The following AP3M2 variants were observed in gnomAD, a reference collection of about 807,000 sequenced individuals.
AP3M2 encodes the protein AP-3 complex subunit mu-2.
AP3M2 carries 28 observed loss-of-function variants against 41.6 expected under a neutral mutation model. The ratio of observed to expected loss-of-function variants is 0.67; its 90% CI spans 0.50 to 0.92. The LOEUF is 0.92. Ranked by LOEUF, AP3M2 falls within the 40% of genes least tolerant of loss-of-function variation. The probability of loss-of-function intolerance (pLI) is 0.00; values close to 1 mark genes in which losing one functional copy is unlikely to be tolerated. For synonymous variants in AP3M2, 193 were observed against 186.4 expected (o/e 1.04, Z -0.29); for missense variants, 427 against 521.4 (o/e 0.82, Z 1.76).
intron 4 of AP3M2, 128 bp downstream of exon 4, chr8:42,162,546 A>C: frequency 2.7e-6 from 3 of 1,106,992 alleles, no homozygotes; most frequent in Non-Finnish European, 2.6e-6. Flanking sequence ...ACTTTGTGCC[A>C]GGCACTGTGC....
At chr8:42,162,186 G>A (rs1336880105) in intron 3 of AP3M2, 95 bp from the exon 4 acceptor site, 1 of 1,234,160 alleles carries the variant, frequency 8.1e-7, no homozygotes. Flanking sequence ...TCAATTGAGT[G>A]CATGAATAGT....
intron 4 of AP3M2, among the ~76,000 whole-genome samples, chr8:42,164,392 G>T (rs1804584806): frequency 6.6e-6 from 1 of 152,158 alleles, no homozygotes; most frequent in Non-Finnish European, 1.5e-5. Context: ...AAAAGAATAG[G>T]TAATAATGGG....
intron 2 of AP3M2, among the ~76,000 whole-genome samples, chr8:42,157,113 C>T (rs974256811): frequency 2.6e-5 from 4 of 152,166 alleles, no homozygotes; most frequent in Admixed American, 6.5e-5. Flanking sequence ...TGGAAGGGAA[C>T]ATTGAATAGC....
At chr8:42,153,822 C>T (rs1587910520) in intron 1 of AP3M2, 1 of 152,064 alleles carries the variant, frequency 6.6e-6, no homozygotes, top group Non-Finnish European at 1.5e-5. Context: ...ACTGCATTAA[C>T]AAGTGCCTAA....
chr8:42,171,112 G>T lies in AP3M2; in HGVS notation c.*2051G>T, dbSNP rs965978462. 2.0e-5 allele frequency: 3 copies of T among 152,248 alleles called. No homozygotes were observed. Among genetic ancestry groups the T allele is most frequent in the Non-Finnish European group, 4.4e-5 (3 of 68,064 alleles). The allele number at this position is 152,248 out of a possible 1,614,324, so 9.4% of individuals were successfully genotyped here. Reference sequence around the variant, plus strand: ...CAGGGTGTCTCCATCGAGCTGTTTGGTTCCATGTGTGTTTAACATGTGCAG... The same window carrying T: ...CAGGGTGTCTCCATCGAGCTGTTTGTTTCCATGTGTGTTTAACATGTGCAG... On this transcript the variant is annotated 3_prime_UTR_variant, in exon 9 of 9. Transcript: ENST00000396926.
chr8:42,167,052 C>A, intron 6 of AP3M2, 112 bp from the exon 7 acceptor site: 1 of 844,734 alleles, frequency 1.2e-6, no homozygotes, highest in Non-Finnish European at 1.9e-6. Flanking sequence ...AAAGTAAGGA[C>A]ATAGTTAAGG....
intron 2 of AP3M2, among the ~76,000 whole-genome samples, chr8:42,156,235 G>C (rs1018951170): frequency 6.6e-6 from 1 of 152,192 alleles, no homozygotes; most frequent in African/African-American, 2.4e-5. Context: ...GAAGTGAGAA[G>C]AGTTGTTTGA....
intron 7 of AP3M2, 125 bp downstream of exon 7, chr8:42,167,496 C>A: frequency 2.2e-6 from 3 of 1,372,798 alleles, no homozygotes; most frequent in Non-Finnish European, 3.0e-6. Context: ...TTTTCTCCTG[C>A]CAGGTAACTT....
Position 42,162,278 on chromosome 8 carries a change from C to T in AP3M2, c.446-3C>T, listed in dbSNP as rs1186774399. ...TAAAATACAGTAATATTAATTGCCT[C>T]AGGAAGCACGAATGTGGGTGACCAG... On this transcript the variant is annotated splice_polypyrimidine_tract_variant and splice_region_variant and intron_variant, in intron 3 of 8. Transcript: ENST00000396926. 4 of 1,608,932 alleles carry T rather than the reference C, an allele frequency of 2.5e-6. No homozygotes were observed. Among genetic ancestry groups the T allele is most frequent in the Non-Finnish European group, 3.4e-6 (4 of 1,178,032 alleles).
intron 1 of AP3M2, 136 bp from the exon 2 acceptor site, chr8:42,154,480 A>C: frequency 1.7e-6 from 1 of 601,620 alleles, no homozygotes; most frequent in Non-Finnish European, 2.8e-6. Context: ...AATTCAAGGG[A>C]GGGCTATCTT....
chr8:42,161,754 A>G (rs998420861), intron 3 of AP3M2, among the ~76,000 whole-genome samples: 2 of 152,244 alleles, frequency 1.3e-5, no homozygotes, highest in Admixed American at 6.5e-5. Flanking sequence ...AAACAAGTGA[A>G]GGAATTGATC....
chr8:42,165,396 C>T (rs748194852), intron 5 of AP3M2, 31 bp from the exon 6 acceptor site: 2 of 1,609,896 alleles, frequency 1.2e-6, no homozygotes, highest in Non-Finnish European at 1.7e-6. Context: ...TTAATGCCCA[C>T]TTCTTGCTTC....
chr8:42,158,702 G>T (rs1013995344), intron 3 of AP3M2, among the ~76,000 whole-genome samples: 1 of 151,974 alleles, frequency 6.6e-6, no homozygotes, highest in Non-Finnish European at 1.5e-5. Flanking sequence ...ATACAGAAAA[G>T]CACAAAGAAT....
In AP3M2 at chr8:42,154,608, G is replaced by C; in HGVS notation, c.-72-8G>C. ...AATGGAACTGAATATCGCTGCTTTT[G>C]TTTTTAGAGTTGAAAACTTACAGAG... On this transcript the variant is annotated splice_region_variant and splice_polypyrimidine_tract_variant and intron_variant, in intron 1 of 8. Coordinates refer to ENST00000396926, the MANE Select transcript of AP3M2 (RefSeq NM_006803.4). The C allele has an allele frequency of 6.5e-7, 1 of 1,546,164 alleles. No homozygotes were observed. The highest frequency in any genetic ancestry group is 8.7e-7 in the Non-Finnish European group (1 of 1,155,024).
chr8:42,165,165 C>T lies in AP3M2; in HGVS notation c.669+9C>T. On this transcript the variant is annotated intron_variant, in intron 5 of 8. Transcript: ENST00000396926. ...TTACACTTTCCTTCATGGTAAAATCCTGGGCCAGAGATTAAGTTCTTGGGA... is the reference window on the plus strand; with the variant it reads ...TTACACTTTCCTTCATGGTAAAATCTTGGGCCAGAGATTAAGTTCTTGGGA... 6.2e-7 allele frequency: 1 copy of T among 1,612,228 alleles called. No homozygotes were observed. Among genetic ancestry groups the T allele is most frequent in the Non-Finnish European group, 8.5e-7 (1 of 1,178,810 alleles).
At chr8:42,168,728 G>A (rs1804706281) in intron 8 of AP3M2, among the ~76,000 whole-genome samples, 1 of 151,900 alleles carries the variant, frequency 6.6e-6, no homozygotes, top group African/African-American at 2.4e-5. Context: ...ACATTACTTT[G>A]TACCCTTTCC....
rs1804740815 is a variant in AP3M2, at chr8:42,169,639, CCTCTA to C, written c.*582_*586del. 1.3e-5 allele frequency: 2 copies of C among 152,204 alleles called. No individual in the cohort carries two copies. The allele number at this position is 152,204 out of a possible 1,614,324, so 9.4% of individuals were successfully genotyped here. On this transcript the variant is annotated 3_prime_UTR_variant, in exon 9 of 9. Coordinates refer to ENST00000396926, the MANE Select transcript of AP3M2 (RefSeq NM_006803.4). ...GAGTTGAGTTGGTTTCTTTCTGATT[CCTCTA>C]CTCATGTAGAAAACACTTGTACTTC... is the stretch of plus-strand genomic sequence containing the variant.
At chr8:42,164,126 A>T (rs1221405113) in intron 4 of AP3M2, among the ~76,000 whole-genome samples, 1 of 152,242 alleles carries the variant, frequency 6.6e-6, no homozygotes, top group African/African-American at 2.4e-5. Context: ...ACAGAGAGGA[A>T]TGCACAGACC....
chr8:42,167,457 G>A lies in AP3M2; in HGVS notation c.1011+86G>A, dbSNP rs147575678. On this transcript the variant is annotated intron_variant, in intron 7 of 8. Transcript: ENST00000396926. ...TCTGTGTAGACTCTAGACCTTGTTT[G>A]GAAGGTGAGATGAGTCAAAGGGACC... 7.1e-5 allele frequency: 108 copies of A among 1,514,178 alleles called. No individual in the cohort carries two copies. The African/African-American group carries it at 1.2e-3, about 16-fold the overall frequency. 93.8% of individuals were successfully genotyped at this position (1,514,178 alleles called of 1,614,324 possible).
Sources: allele counts gnomAD v4.1 joint callset (sites outside exome capture counted in the v4.1 genomes callset), GRCh38; gene constraint gnomAD v4.1.1; transcripts MANE v1.5; gene names NCBI Gene and HGNC (gene_info 2026-07-23, HGNC 2026-07-21).